The following TMEM237 variants were observed in gnomAD, a reference collection of about 807,000 sequenced individuals.
The protein encoded by TMEM237 is amyotrophic lateral sclerosis 2 (juvenile) chromosome region, candidate 4.
A neutral mutation model predicts 59.1 loss-of-function variants in TMEM237; 51 were observed. That is an observed-to-expected ratio of 0.86 (90% CI 0.69 to 1.09). The LOEUF (loss-of-function observed/expected upper bound fraction) is 1.09. Among genes scored for constraint, TMEM237 ranks in the 50% least tolerant of loss-of-function variants. The pLI is 0.00. For synonymous variants in TMEM237, 140 were observed against 166.1 expected (o/e 0.84, Z 1.21); for missense variants, 475 against 478.3 (o/e 0.99, Z 0.06).
chr2:201,643,472 C>A lies in TMEM237; in HGVS notation c.-72G>T. On this transcript the variant is annotated 5_prime_UTR_variant, in exon 1 of 13. Transcript: ENST00000409883. The surrounding 1 kb of genome is among the most constrained non-coding windows in gnomAD (Gnocchi z 4.3). ...AGCCCAGCTCCCCGCGACGCAGCGG[C>A]CTCCGGGACCTGTGGGACGCCGGGG... 7.6e-7 allele frequency: 1 copy of A among 1,308,836 alleles called. No homozygotes were observed. The allele number at this position is 1,308,836 out of a possible 1,614,324, so 81.1% of individuals were successfully genotyped here.
At position 201,643,503 on chromosome 2, in the gene TMEM237, T is replaced by C; in HGVS notation, c.-103A>G. 1 of 1,046,466 alleles carries C rather than the reference T, an allele frequency of 9.6e-7. No homozygotes were observed. Among genetic ancestry groups the C allele is most frequent in the Non-Finnish European group, 1.3e-6 (1 of 793,516 alleles). 64.8% of individuals were successfully genotyped at this position (1,046,466 alleles called of 1,614,324 possible). A position where few individuals can be genotyped will look rare whatever the true frequency, so the allele number is the denominator to read the frequency against. On this transcript the variant is annotated 5_prime_UTR_variant, in exon 1 of 13. Transcript: ENST00000409883. The surrounding 1 kb of genome is among the most constrained non-coding windows in gnomAD (Gnocchi z 4.3). ...GGACCTGTGGGACGCCGGGGCTTCG[T>C]GGCGCCTGGCGAGGCAGCCGCCCCC...
intron 1 of TMEM237, chr2:201,642,770 G>T: frequency 7.0e-7 from 1 of 1,437,562 alleles, no homozygotes; most frequent in South Asian, 1.5e-5. Flanking sequence ...CTGCGGGGAT[G>T]TTGCGGTGAG....
intron 4 of TMEM237, among the ~76,000 whole-genome samples, chr2:201,637,885 T>C (rs144557038): frequency 6.6e-6 from 1 of 152,332 alleles, no homozygotes; most frequent in East Asian, 1.9e-4. Context: ...TTGATTATTG[T>C]CCAATGTTGT....
intron 9 of TMEM237, among the ~76,000 whole-genome samples, chr2:201,628,437 A>G (rs1390405882): frequency 6.6e-6 from 1 of 152,166 alleles, no homozygotes; most frequent in Non-Finnish European, 1.5e-5. Flanking sequence ...ACCTCTTTCT[A>G]TTACCCATAT....
intron 12 of TMEM237, among the ~76,000 whole-genome samples, chr2:201,625,657 G>A (rs865881938): frequency 2.0e-5 from 3 of 152,164 alleles, no homozygotes; most frequent in East Asian, 3.9e-4. Context: ...GTATGTGTCC[G>A]ACAGAGAGGC....
At position 201,628,114 on chromosome 2, in the gene TMEM237, T is replaced by A. The variant is rs780779375; in HGVS notation, c.905A>T (p.Asn302Ile). 3 of 1,608,024 alleles carry A rather than the reference T, an allele frequency of 1.9e-6. No individual in the cohort carries two copies. Among genetic ancestry groups the A allele is most frequent in the Non-Finnish European group, 2.5e-6 (3 of 1,177,146 alleles). The change falls in exon 10 of 13, where the codon AAT (asparagine) becomes ATT (isoleucine). Residue 302 changes from asparagine to isoleucine, a missense_variant. Physicochemically the swap from Asn to Ile is moderately radical, Grantham distance 149. Coordinates refer to ENST00000409883, the MANE Select transcript of TMEM237 (RefSeq NM_001044385.3). ...DFAKISVAIR[N>I]FLALDPTALA... ...AGCTGTAGGATCCAGGGCCAAAAAA[T>A]TTCGGATTGCTACTGATATTTTAGC...
rs1006475828 is a variant in TMEM237, at chr2:201,625,645, GAGTAT to G, written c.1159+376_1159+380del. On this transcript the variant is annotated intron_variant, in intron 12 of 12. Transcript: ENST00000409883. ...ATAGAGAAGGAAGAATAATTGACTT[GAGTAT>G]GTGTCCGACAGAGAGGCTATGTAGA... Among the ~76,000 whole-genome samples, 71 of 152,274 alleles carry G rather than the reference GAGTAT, an allele frequency of 4.7e-4. 1 individual carries two copies. The highest frequency in any genetic ancestry group is 1.6e-3 in the African/African-American group (68 of 41,566).
chr2:201,624,493 T>A (rs1398654746), intron 12 of TMEM237, among the ~76,000 whole-genome samples, 171 bp from the exon 13 acceptor site: 1 of 152,208 alleles, frequency 6.6e-6, no homozygotes, highest in African/African-American at 2.4e-5. Context: ...GGTAAGCTGA[T>A]AACAAATGTA....
intron 7 of TMEM237, among the ~76,000 whole-genome samples, chr2:201,630,085 A>G (rs532091752): frequency 6.6e-5 from 10 of 152,284 alleles, no homozygotes; most frequent in African/African-American, 2.4e-4. Context: ...TTTCTTCTCA[A>G]TCCAAAGTGA....
chr2:201,633,253 C>CAAG, intron 6 of TMEM237, 58 bp downstream of exon 6: 1 of 1,534,380 alleles, frequency 6.5e-7, no homozygotes, highest in Non-Finnish European at 8.7e-7. Flanking sequence ...CTTCGGAGCT[C>CAAG]CAAACAAAGC....
At position 201,636,840 on chromosome 2, in the gene TMEM237, G is replaced by T; in HGVS notation, c.182C>A (p.Pro61His). The T allele has an allele frequency of 6.2e-7, 1 of 1,607,010 alleles. No individual in the cohort carries two copies. The highest frequency in any genetic ancestry group is 8.5e-7 in the Non-Finnish European group (1 of 1,176,958). ...AGTTGATGGCTCATTGCCCTCAGAG[G>T]GCCTTCGACCAGCAGTCTGAGCAAG... ...EGLAQTAGRRPSEGNEPSTKE... is the reference protein window; with the variant it reads ...EGLAQTAGRRHSEGNEPSTKE... Residue 61 changes from proline to histidine, a missense_variant, in exon 5 of 13, where the codon CCC (proline) becomes CAC (histidine). Transcript: ENST00000409883.
intron 3 of TMEM237, among the ~76,000 whole-genome samples, chr2:201,639,543 C>G (rs1174390307): frequency 1.3e-5 from 2 of 152,198 alleles, no homozygotes; most frequent in Non-Finnish European, 2.9e-5. Flanking sequence ...CACCTGTAAT[C>G]CCAACACTTT....
chr2:201,637,617 G>A (rs1574585257), intron 4 of TMEM237, among the ~76,000 whole-genome samples: 1 of 151,776 alleles, frequency 6.6e-6, no homozygotes, highest in African/African-American at 2.4e-5. Context: ...AGTGGCATGC[G>A]CCTGTAGTCC....
In TMEM237 at chr2:201,624,213, G is replaced by A; in HGVS notation, c.*42C>T. ...AAAAATACATTTAAAAACAAAAATG[G>A]GACAAATACTGGGTCATTATTCCTC... On this transcript the variant is annotated 3_prime_UTR_variant, in exon 13 of 13. Coordinates refer to ENST00000409883, the MANE Select transcript of TMEM237 (RefSeq NM_001044385.3). 6.5e-7 allele frequency: 1 copy of A among 1,527,288 alleles called. No individual in the cohort carries two copies. Among genetic ancestry groups the A allele is most frequent in the East Asian group, 2.3e-5 (1 of 43,998 alleles). The allele number at this position is 1,527,288 out of a possible 1,614,324, so 94.6% of individuals were successfully genotyped here.
chr2:201,629,198 A>G (rs1235093514), intron 9 of TMEM237, 32 bp downstream of exon 9: 4 of 1,444,964 alleles, frequency 2.8e-6, no homozygotes, highest in Non-Finnish European at 3.7e-6. Context: ...CCTCCTGAAG[A>G]AGTTAGACAG....
At chr2:201,625,382 A>AGAAAAG (rs1559584010) in intron 12 of TMEM237, among the ~76,000 whole-genome samples, 16 of 152,064 alleles carry the variant, frequency 1.1e-4, no homozygotes, top group African/African-American at 3.9e-4. Flanking sequence ...AAATAAAAAA[A>AGAAAAG]AAAAGATATT....
chr2:201,637,007 T>G (rs1160712526), intron 4 of TMEM237, 122 bp from the exon 5 acceptor site: 1 of 981,094 alleles, frequency 1.0e-6, no homozygotes, highest in East Asian at 2.8e-5. Flanking sequence ...CTTTCAGAAC[T>G]AATTATCCCC....
Position 201,643,094 on chromosome 2 carries a change from C to A in TMEM237, c.42+265G>T. On this transcript the variant is annotated intron_variant, in intron 1 of 12. Transcript: ENST00000409883. This position sits in a 1 kb window ranked among gnomAD's most constrained non-coding sequence, Gnocchi z 4.3. ...GGCCCCGGGCCTCAGATGAGTGAGG[C>A]GTCGTCGTGGCAACGCGGGCTCAGG... 9.9e-7 allele frequency: 1 copy of A among 1,011,124 alleles called. No homozygotes were observed. Among genetic ancestry groups the A allele is most frequent in the Non-Finnish European group, 1.3e-6 (1 of 743,574 alleles). 62.6% of individuals were successfully genotyped at this position (1,011,124 alleles called of 1,614,324 possible). A position where few individuals can be genotyped will look rare whatever the true frequency, so the allele number is the denominator to read the frequency against.
chr2:201,643,484 G>C lies in TMEM237; in HGVS notation c.-84C>G. On this transcript the variant is annotated 5_prime_UTR_variant, in exon 1 of 13. Coordinates refer to ENST00000409883, the MANE Select transcript of TMEM237 (RefSeq NM_001044385.3). This position sits in a 1 kb window ranked among gnomAD's most constrained non-coding sequence, Gnocchi z 4.3. ...CGCGACGCAGCGGCCTCCGGGACCT[G>C]TGGGACGCCGGGGCTTCGTGGCGCC... The C allele has an allele frequency of 8.1e-7, 1 of 1,229,224 alleles. No individual in the cohort carries two copies. Among genetic ancestry groups the C allele is most frequent in the South Asian group, 2.1e-5 (1 of 47,800 alleles). The allele number at this position is 1,229,224 out of a possible 1,614,324, so 76.1% of individuals were successfully genotyped here.
Sources: allele counts gnomAD v4.1 joint callset (sites outside exome capture counted in the v4.1 genomes callset), GRCh38; gene constraint gnomAD v4.1.1; non-coding constraint Gnocchi (gnomAD v3.1); transcripts MANE v1.5; gene names NCBI Gene and HGNC (gene_info 2026-07-23, HGNC 2026-07-21).